The following COLEC10 variants were observed in gnomAD, a reference collection of about 807,000 sequenced individuals.
COLEC10 encodes the protein collectin-10.
A neutral mutation model predicts 28.4 loss-of-function variants in COLEC10; 22 were observed. The observed-to-expected ratio is 0.78, with a 90% CI of 0.55 to 1.11. The LOEUF (loss-of-function observed/expected upper bound fraction) is 1.11, where lower values mean the gene tolerates loss of function less well. Among genes scored for constraint, COLEC10 ranks in the 50% least tolerant of loss-of-function variants. The pLI is 0.00. For synonymous variants in COLEC10, 125 were observed against 116.1 expected (o/e 1.08, Z -0.49); for missense variants, 361 against 344.1 (o/e 1.05, Z -0.39).
intron 2 of COLEC10, among the ~76,000 whole-genome samples, chr8:119,058,005 T>A (rs1468419455): frequency 1.3e-5 from 2 of 152,072 alleles, no homozygotes; most frequent in Non-Finnish European, 2.9e-5. Context: ...ATTTTTCTTT[T>A]ATCTGGTTGT....
intron 2 of COLEC10, among the ~76,000 whole-genome samples, 168 bp from the exon 3 acceptor site, chr8:119,090,981 C>T (rs1815580251): frequency 1.3e-5 from 2 of 152,106 alleles, no homozygotes; most frequent in South Asian, 4.2e-4. Flanking sequence ...AATTTTAATA[C>T]ATACATTATA....
chr8:119,001,862 A>G (rs981734946), intron 1 of COLEC10, among the ~76,000 whole-genome samples: 1 of 152,208 alleles, frequency 6.6e-6, no homozygotes, highest in Non-Finnish European at 1.5e-5. Context: ...TAATTCCTCT[A>G]TAGTCTTAAA....
At chr8:118,981,481 T>C in the COLEC10 span, among the ~76,000 whole-genome samples, 1 of 152,128 alleles carries the variant, frequency 6.6e-6, no homozygotes, top group Non-Finnish European at 1.5e-5. Flanking sequence ...TATACTTAAA[T>C]TTAATAAAAT....
In COLEC10 at chr8:119,106,368, C is replaced by T; in HGVS notation, c.*177C>T. The T allele has an allele frequency of 1.6e-6, 1 of 635,002 alleles. No homozygotes were observed. Among genetic ancestry groups the T allele is most frequent in the Admixed American group, 3.0e-5 (1 of 33,678 alleles). The allele number at this position is 635,002 out of a possible 1,614,324, so 39.3% of individuals were successfully genotyped here. On this transcript the variant is annotated 3_prime_UTR_variant, in exon 6 of 6. Transcript: ENST00000332843. ...TTTTGTGATGATTTTCATATTTTCACACATGGTATATTATTGACCCAATAA... is the reference window on the plus strand; with the variant it reads ...TTTTGTGATGATTTTCATATTTTCATACATGGTATATTATTGACCCAATAA...
the COLEC10 span, among the ~76,000 whole-genome samples, chr8:118,989,424 C>T: frequency 0.049 from 7,396 of 151,854 alleles, 277 homozygotes; most frequent in East Asian, 0.17. Flanking sequence ...AGAAGAAATA[C>T]TTGCAAAAAC....
At chr8:118,959,447 C>T in the COLEC10 span, among the ~76,000 whole-genome samples, 131 of 152,224 alleles carry the variant, frequency 8.6e-4, 2 homozygotes, top group Admixed American at 8.5e-3. Flanking sequence ...CAATAAAGAA[C>T]CGAATAATAG....
intron 2 of COLEC10, among the ~76,000 whole-genome samples, chr8:119,020,227 A>G (rs150424289): frequency 6.6e-6 from 1 of 152,214 alleles, no homozygotes; most frequent in African/African-American, 2.4e-5. Context: ...ATTGCTTAGC[A>G]TAGGGAAGGC....
upstream of COLEC10, among the ~76,000 whole-genome samples, chr8:119,064,635 A>G (rs576147235): frequency 3.2e-3 from 489 of 152,284 alleles, 3 homozygotes; most frequent in Middle Eastern, 6.8e-3. Flanking sequence ...ACATCATTCA[A>G]TTCTCAGTAT....
chr8:119,033,756 G>T (rs1205893149), intron 2 of COLEC10, among the ~76,000 whole-genome samples: 2 of 152,184 alleles, frequency 1.3e-5, no homozygotes, highest in Non-Finnish European at 2.9e-5. Flanking sequence ...TGCTGGAGAG[G>T]TTCTGGAGAA....
At chr8:119,018,575 C>T (rs1814034134) in intron 2 of COLEC10, among the ~76,000 whole-genome samples, 1 of 152,192 alleles carries the variant, frequency 6.6e-6, no homozygotes, top group Admixed American at 6.5e-5. Context: ...GAAATCCTAA[C>T]TTATGTATAG....
At chr8:118,985,318 T>A in the COLEC10 span, among the ~76,000 whole-genome samples, 1 of 152,122 alleles carries the variant, frequency 6.6e-6, no homozygotes. Context: ...GAGTATTTGA[T>A]TGCCCACCAT....
chr8:119,091,753 G>C (rs1815607428), intron 3 of COLEC10, among the ~76,000 whole-genome samples: 2 of 151,742 alleles, frequency 1.3e-5, no homozygotes, highest in Non-Finnish European at 2.9e-5. Flanking sequence ...CCATATATAA[G>C]CAATATATCT....
At chr8:118,972,449 A>G in the COLEC10 span, among the ~76,000 whole-genome samples, 1 of 151,954 alleles carries the variant, frequency 6.6e-6, no homozygotes, top group Non-Finnish European at 1.5e-5. Context: ...TGTATACCCA[A>G]CCTGGGCTTT....
At chr8:119,063,518 C>T (rs891317552), upstream of COLEC10, among the ~76,000 whole-genome samples, 2 of 152,092 alleles carry the variant, frequency 1.3e-5, no homozygotes, top group Non-Finnish European at 2.9e-5. Flanking sequence ...TGGCCTTCTC[C>T]TTTCATCTCT....
intron 2 of COLEC10, among the ~76,000 whole-genome samples, chr8:119,033,327 C>A (rs1272272868): frequency 6.6e-6 from 1 of 150,604 alleles, no homozygotes; most frequent in Non-Finnish European, 1.5e-5. Context: ...CCATTAAGGA[C>A]GTAGGCATGG....
the COLEC10 span, among the ~76,000 whole-genome samples, chr8:118,973,037 A>G: frequency 1.3e-5 from 2 of 151,962 alleles, no homozygotes; most frequent in Admixed American, 6.6e-5. Context: ...CCATGATTCA[A>G]TTACCTCCCA....
chr8:118,994,026 C>G (rs1016404140), upstream of COLEC10, among the ~76,000 whole-genome samples: 6 of 152,118 alleles, frequency 3.9e-5, no homozygotes, highest in African/African-American at 4.8e-5. Flanking sequence ...TAAGCTAGCT[C>G]TATCAAAATG....
At chr8:119,067,561 GA>G in intron 1 of COLEC10, 132 bp downstream of exon 1, 1 of 830,480 alleles carries the variant, frequency 1.2e-6, no homozygotes, top group Non-Finnish European at 1.8e-6. Flanking sequence ...TTCTATTTTG[GA>G]AAATCAGGAT....
At chr8:119,019,988 A>G (rs1010846262) in intron 2 of COLEC10, among the ~76,000 whole-genome samples, 5 of 152,146 alleles carry the variant, frequency 3.3e-5, no homozygotes, top group African/African-American at 1.2e-4. Context: ...ACTTCTCAAT[A>G]TTTCTCTCAC....
Sources: gnomAD v4.1 joint callset for allele counts (sites outside exome capture counted in the v4.1 genomes callset) on GRCh38, gnomAD v4.1.1 for gene constraint, MANE v1.5 for transcripts, NCBI Gene and HGNC (gene_info 2026-07-23, HGNC 2026-07-21) for gene names.